SBF2: variants seen among roughly 807,000 people sequenced by gnomAD.
The protein encoded by SBF2 is myotubularin-related protein 13.
In SBF2, 112 loss-of-function variants were observed where a neutral mutation model predicts 225.2. The observed-to-expected ratio is 0.50, with a 90% CI of 0.43 to 0.58. The LOEUF (loss-of-function observed/expected upper bound fraction) is 0.58, where lower values mean the gene tolerates loss of function less well. SBF2 is among the 20% of genes least tolerant of loss of function. SBF2 has a pLI of 0.00. For missense variants in SBF2, 1,996 were observed against 2,206.2 expected, an observed-to-expected ratio of 0.90 and a Z score of 1.91; for synonymous variants, 763 against 773.3, an observed-to-expected ratio of 0.99 and a Z score of 0.22.
At chr11:9,873,150 G>A (rs1446085084) in intron 17 of SBF2, among the ~76,000 whole-genome samples, 1 of 132,538 alleles carries the variant, frequency 7.5e-6, no homozygotes, top group African/African-American at 2.9e-5. Context: ...AGGTTGCAGT[G>A]AGCCAAGACC....
At chr11:10,295,824 A>G (rs906627189), upstream of SBF2, among the ~76,000 whole-genome samples, 1 of 152,116 alleles carries the variant, frequency 6.6e-6, no homozygotes, top group African/African-American at 2.4e-5. Context: ...AAAAAAATCT[A>G]TCTTCATATG....
At chr11:9,889,221 A>G (rs1226783635) in intron 17 of SBF2, among the ~76,000 whole-genome samples, 1 of 152,216 alleles carries the variant, frequency 6.6e-6, no homozygotes, top group East Asian at 1.9e-4. Flanking sequence ...TTAGATTTAC[A>G]CAAATGACAC....
At chr11:10,165,488 G>A (rs1417430467) in intron 2 of SBF2, among the ~76,000 whole-genome samples, 1 of 152,142 alleles carries the variant, frequency 6.6e-6, no homozygotes. Flanking sequence ...TTTCCAATAT[G>A]ATCTGTTGCA....
chr11:9,931,449 C>T (rs1482602451), intron 16 of SBF2, among the ~76,000 whole-genome samples: 2 of 152,232 alleles, frequency 1.3e-5, no homozygotes, highest in Admixed American at 6.5e-5. Context: ...GCAATATTTG[C>T]TGTTCTGCAG....
chr11:10,017,638 A>G (rs1025387581), intron 6 of SBF2, among the ~76,000 whole-genome samples: 4 of 152,222 alleles, frequency 2.6e-5, no homozygotes, highest in African/African-American at 7.2e-5. Flanking sequence ...AAGTATTCTA[A>G]GTAAAAAAGT....
intron 2 of SBF2, among the ~76,000 whole-genome samples, chr11:10,173,353 G>A (rs950106442): frequency 3.3e-5 from 5 of 152,212 alleles, no homozygotes; most frequent in Non-Finnish European, 7.3e-5. Flanking sequence ...CTCGGGAAGC[G>A]CAAGGGGTCA....
intron 2 of SBF2, among the ~76,000 whole-genome samples, chr11:10,081,759 CAA>C (rs59208091): frequency 9.1e-5 from 11 of 120,530 alleles, no homozygotes; most frequent in South Asian, 2.6e-4. Context: ...GACTCCACCT[CAA>C]AAAAAAAAAA....
rs115776508 is a variant in SBF2 at position 9,996,090 on chromosome 11, C to T, written c.976-2092G>A. Among the ~76,000 whole-genome samples, 537 of 152,224 alleles carry T rather than the reference C, an allele frequency of 3.5e-3. 2 individuals carry two copies. The highest frequency in any genetic ancestry group is 0.012 in the African/African-American group (506 of 41,544). On this transcript the variant is annotated intron_variant, in intron 9 of 39. Coordinates refer to ENST00000256190, the MANE Select transcript of SBF2 (RefSeq NM_030962.4). ...TACACATTGATCAAATTTGGTGGCA[C>T]GGGTGTTGCAGGTTTAGGTATACGA...
chr11:10,129,911 G>A (rs1271748673), intron 2 of SBF2, among the ~76,000 whole-genome samples: 1 of 152,126 alleles, frequency 6.6e-6, no homozygotes, highest in Non-Finnish European at 1.5e-5. Flanking sequence ...TTGGGAAGCT[G>A]AGGTGGGAAT....
At chr11:10,073,925 CTG>C (rs1339175763) in intron 2 of SBF2, among the ~76,000 whole-genome samples, 2 of 152,030 alleles carry the variant, frequency 1.3e-5, no homozygotes, top group African/African-American at 4.8e-5. Context: ...ATAAATGACA[CTG>C]TGGTTGTGTT....
At chr11:10,273,918 G>C (rs1962746213) in intron 1 of SBF2, among the ~76,000 whole-genome samples, 1 of 152,222 alleles carries the variant, frequency 6.6e-6, no homozygotes, top group Non-Finnish European at 1.5e-5. Flanking sequence ...TTCATCATAT[G>C]ATGGCAGACC....
In SBF2 at chr11:9,839,508, G is replaced by A. The variant is rs766709811; in HGVS notation, c.3445C>T (p.Leu1149Phe). 7 of 1,614,034 alleles carry A rather than the reference G, an allele frequency of 4.3e-6. No individual in the cohort carries two copies. Among genetic ancestry groups the A allele is most frequent in the South Asian group, 1.1e-5 (1 of 91,084 alleles). Residue 1149 changes from leucine (L) to phenylalanine (F), a missense_variant, in exon 26 of 40, where the codon CTC (leucine) becomes TTC (phenylalanine). Physicochemically the swap from Leu to Phe is conservative, Grantham distance 22. Coordinates refer to ENST00000256190, the MANE Select transcript of SBF2 (RefSeq NM_030962.4). ...RITASNRMYS[L>F]CRSYPGLLVV... ...CACTGACACACTTACCTCCGGCAGA[G>A]TGAATACATCCTGTTGGAGGCAGTA...
chr11:9,848,982 T>G (rs1315962942), intron 22 of SBF2, among the ~76,000 whole-genome samples: 1 of 152,182 alleles, frequency 6.6e-6, no homozygotes, highest in Non-Finnish European at 1.5e-5. Context: ...AACCAATGAG[T>G]AGCACATAGT....
chr11:10,015,325 G>A (rs1308776397), intron 6 of SBF2, among the ~76,000 whole-genome samples: 1 of 152,136 alleles, frequency 6.6e-6, no homozygotes, highest in African/African-American at 2.4e-5. Flanking sequence ...TAAAGTCTGT[G>A]GATGTATTAG....
intron 17 of SBF2, among the ~76,000 whole-genome samples, chr11:9,877,373 C>T (rs1231248916): frequency 6.6e-6 from 1 of 152,118 alleles, no homozygotes; most frequent in African/African-American, 2.4e-5. Flanking sequence ...AAAAACTAAA[C>T]ATGAAATCAT....
chr11:9,999,100 A>G (rs1292011680), intron 8 of SBF2, among the ~76,000 whole-genome samples: 2 of 152,192 alleles, frequency 1.3e-5, no homozygotes, highest in African/African-American at 2.4e-5. Context: ...TAACTTACAT[A>G]AAAGTGTAAG....
intron 16 of SBF2, among the ~76,000 whole-genome samples, chr11:9,943,625 A>C (rs914941460): frequency 6.6e-6 from 1 of 152,146 alleles, no homozygotes; most frequent in Non-Finnish European, 1.5e-5. Context: ...AACATGAAAA[A>C]TTGTTCCACT....
At chr11:10,175,144 C>A (rs941315681) in intron 2 of SBF2, among the ~76,000 whole-genome samples, 8 of 147,588 alleles carry the variant, frequency 5.4e-5, no homozygotes, top group Non-Finnish European at 9.1e-5. Flanking sequence ...ATGACAGGAT[C>A]AAATTCACAC....
chr11:10,202,228 T>G (rs984551822), intron 1 of SBF2, among the ~76,000 whole-genome samples: 2 of 152,194 alleles, frequency 1.3e-5, no homozygotes, highest in African/African-American at 2.4e-5. Context: ...AAGAAAGTCT[T>G]ATCAAGTCCC....
Sources: allele counts gnomAD v4.1 joint callset (sites outside exome capture counted in the v4.1 genomes callset), GRCh38; gene constraint gnomAD v4.1.1; transcripts MANE v1.5; gene names NCBI Gene and HGNC (gene_info 2026-07-23, HGNC 2026-07-21).